The following CEP112 variants were observed in gnomAD, a reference collection of about 807,000 sequenced individuals.
CEP112 encodes centrosomal protein 112, also known as centrosomal protein of 112 kDa.
A neutral mutation model predicts 153.0 loss-of-function variants in CEP112; 127 were observed. The observed-to-expected ratio is 0.83, with a 90% confidence interval of 0.72 to 0.96. CEP112 has a LOEUF of 0.96. Ranked by LOEUF, CEP112 falls within the 40% of genes least tolerant of loss-of-function variation. The pLI is 0.00. For synonymous variants in CEP112, 358 were observed against 374.4 expected (o/e 0.96, Z 0.51); for missense variants, 1,089 against 1,101.2 (o/e 0.99, Z 0.16).
intron 10 of CEP112, among the ~76,000 whole-genome samples, chr17:66,065,072 C>G (rs1377848066): frequency 6.6e-6 from 1 of 152,158 alleles, no homozygotes; most frequent in African/African-American, 2.4e-5. Flanking sequence ...ACCTTCCCTT[C>G]TCCTTTTCTC....
At chr17:65,826,948 A>G (rs923371587) in intron 21 of CEP112, among the ~76,000 whole-genome samples, 1 of 152,156 alleles carries the variant, frequency 6.6e-6, no homozygotes, top group Non-Finnish European at 1.5e-5. Flanking sequence ...CCAACCCTCA[A>G]TCTGGGTGGG....
chr17:65,671,803 G>C (rs943811551), intron 24 of CEP112, among the ~76,000 whole-genome samples: 2 of 152,078 alleles, frequency 1.3e-5, no homozygotes, highest in Non-Finnish European at 2.9e-5. Context: ...TGATGTGTCT[G>C]AACTCAACAA....
chr17:66,076,649 T>C (rs752042455), intron 8 of CEP112, among the ~76,000 whole-genome samples: 35 of 152,172 alleles, frequency 2.3e-4, no homozygotes, highest in Admixed American at 1.1e-3. Context: ...AAAGGGCACA[T>C]ACTCTTGGGA....
intron 21 of CEP112, among the ~76,000 whole-genome samples, chr17:65,756,851 A>G (rs1280404341): frequency 6.6e-6 from 1 of 152,166 alleles, no homozygotes; most frequent in African/African-American, 2.4e-5. Context: ...GCTTTCCTAG[A>G]GACATGTCCT....
intron 18 of CEP112, among the ~76,000 whole-genome samples, chr17:65,932,594 G>A (rs12453087): frequency 0.48 from 72,873 of 152,074 alleles, 18,460 homozygotes; most frequent in East Asian, 0.89. Flanking sequence ...TGATGCTACC[G>A]TCTGTTCAGC....
At chr17:66,085,409 C>T (rs1046013635) in intron 8 of CEP112, among the ~76,000 whole-genome samples, 3 of 152,162 alleles carry the variant, frequency 2.0e-5, no homozygotes, top group Non-Finnish European at 4.4e-5. Context: ...CAACGTCAAT[C>T]TAAAATGCAA....
chr17:65,942,040 C>T (rs1008856743), intron 18 of CEP112, among the ~76,000 whole-genome samples: 2 of 152,126 alleles, frequency 1.3e-5, no homozygotes, highest in African/African-American at 4.8e-5. Flanking sequence ...ATAGCTTTAA[C>T]AAGGGGTCCC....
At chr17:65,773,442 G>A (rs1201882109) in intron 21 of CEP112, among the ~76,000 whole-genome samples, 12 of 151,782 alleles carry the variant, frequency 7.9e-5, no homozygotes, top group Non-Finnish European at 1.5e-5. Context: ...ATTTTCTTCT[G>A]ATTATAAAAG....
intron 23 of CEP112, among the ~76,000 whole-genome samples, chr17:65,706,210 A>T (rs1336923638): frequency 1.3e-5 from 2 of 152,372 alleles, no homozygotes; most frequent in Admixed American, 6.5e-5. Context: ...GTCTTCAGGA[A>T]GGACGCAGTA....
chr17:66,070,447 A>G (rs1181469338), intron 8 of CEP112, among the ~76,000 whole-genome samples: 1 of 152,128 alleles, frequency 6.6e-6, no homozygotes, highest in Non-Finnish European at 1.5e-5. Flanking sequence ...CTACATATGT[A>G]AATATGACTT....
intron 24 of CEP112, among the ~76,000 whole-genome samples, chr17:65,657,852 G>A (rs1719093737): frequency 6.6e-6 from 1 of 152,220 alleles, no homozygotes; most frequent in African/African-American, 2.4e-5. Context: ...TGGAGCACTG[G>A]ACACATAGCA....
intron 8 of CEP112, among the ~76,000 whole-genome samples, chr17:66,079,729 G>T (rs2067643863): frequency 6.6e-6 from 1 of 152,116 alleles, no homozygotes; most frequent in Non-Finnish European, 1.5e-5. Context: ...GAACAAGGCT[G>T]GAGGCATCAT....
chr17:66,003,552 T>C (rs2064146767), intron 17 of CEP112, among the ~76,000 whole-genome samples: 2 of 152,254 alleles, frequency 1.3e-5, no homozygotes, highest in South Asian at 4.1e-4. Context: ...AGCTGTCTTC[T>C]AAACCTTTTA....
intron 23 of CEP112, among the ~76,000 whole-genome samples, chr17:65,725,989 G>A (rs1295911983): frequency 6.6e-6 from 1 of 152,108 alleles, no homozygotes; most frequent in East Asian, 1.9e-4. Flanking sequence ...TTAAATCAAT[G>A]AAGTCTTTAT....
intron 21 of CEP112, among the ~76,000 whole-genome samples, chr17:65,843,897 C>T (rs559858974): frequency 1.1e-4 from 17 of 151,916 alleles, no homozygotes; most frequent in African/African-American, 2.4e-4. Context: ...ACAGATTAGA[C>T]GAAATTTAAA....
intron 24 of CEP112, among the ~76,000 whole-genome samples, chr17:65,642,405 T>C (rs921235366): frequency 6.6e-6 from 1 of 152,226 alleles, no homozygotes; most frequent in Non-Finnish European, 1.5e-5. Flanking sequence ...GACCGAACTT[T>C]TCTTACACTA....
intron 4 of CEP112, among the ~76,000 whole-genome samples, chr17:66,155,643 A>C (rs230570): frequency 1 from 152,184 of 152,264 alleles, 76,052 homozygotes; most frequent in Non-Finnish European, 1. Flanking sequence ...CTAAGATCCA[A>C]CGGCTTGAAA....
chr17:66,045,110 A>C (rs1342724088), intron 12 of CEP112, among the ~76,000 whole-genome samples: 1 of 152,022 alleles, frequency 6.6e-6, no homozygotes, highest in East Asian at 1.9e-4. Context: ...ACACTCTGTC[A>C]CCCAGGCTGG....
At chr17:66,139,967 A>T (rs2070615236) in intron 4 of CEP112, among the ~76,000 whole-genome samples, 1 of 152,076 alleles carries the variant, frequency 6.6e-6, no homozygotes, top group African/African-American at 2.4e-5. Context: ...CCAGACAAAG[A>T]CACTACAATA....
Sources: gnomAD v4.1 joint callset for allele counts (sites outside exome capture counted in the v4.1 genomes callset) on GRCh38, gnomAD v4.1.1 for gene constraint, MANE v1.5 for transcripts, NCBI Gene and HGNC (gene_info 2026-07-23, HGNC 2026-07-21) for gene names.